The following PTK2 variants were observed in gnomAD, a reference collection of about 807,000 sequenced individuals.
The protein encoded by PTK2 is protein tyrosine kinase 2.
Under a neutral mutation model 150.1 loss-of-function variants are expected in PTK2, and 45 were observed. The observed-to-expected ratio is 0.30, with a 90% confidence interval of 0.24 to 0.38. PTK2 has a LOEUF of 0.38. Ranked by LOEUF, PTK2 falls within the 10% of genes least tolerant of loss-of-function variation. The pLI, the probability that PTK2 is intolerant of heterozygous loss-of-function variation, is 1.00. For missense variants in PTK2, 919 were observed against 1,307.3 expected (o/e 0.70, Z 4.58); for synonymous variants, 432 against 449.2 (o/e 0.96, Z 0.48).
chr8:140,833,288 T>A (rs577031178), intron 7 of PTK2, among the ~76,000 whole-genome samples: 252 of 152,316 alleles, frequency 1.7e-3, no homozygotes, highest in Non-Finnish European at 3.0e-3. Flanking sequence ...TTAGAACTTT[T>A]TTGATACCTG....
intron 16 of PTK2, among the ~76,000 whole-genome samples, chr8:140,759,546 A>AAG (rs1388780981): frequency 2.1e-5 from 3 of 144,342 alleles, no homozygotes; most frequent in East Asian, 3.9e-4. Context: ...AAAAAAAAAA[A>AAG]AAAAAAAAGA....
chr8:140,897,166 A>C (rs769130554), intron 2 of PTK2, among the ~76,000 whole-genome samples: 11 of 152,196 alleles, frequency 7.2e-5, no homozygotes, highest in Non-Finnish European at 1.6e-4. Flanking sequence ...AGCTAAACCA[A>C]AAATACCACA....
chr8:140,773,899 T>C (rs1455492926), intron 14 of PTK2, among the ~76,000 whole-genome samples: 1 of 152,072 alleles, frequency 6.6e-6, no homozygotes, highest in Non-Finnish European at 1.5e-5. Context: ...GGGTGCAGGA[T>C]AGGGGTGAGG....
At chr8:140,666,365 A>T (rs911727492) in intron 30 of PTK2, among the ~76,000 whole-genome samples, 8 of 152,120 alleles carry the variant, frequency 5.3e-5, no homozygotes, top group Middle Eastern at 3.4e-3. Flanking sequence ...AAAACAAAAA[A>T]CCCAACAACA....
At chr8:140,949,909 G>A (rs913447217) in intron 1 of PTK2, among the ~76,000 whole-genome samples, 1 of 152,100 alleles carries the variant, frequency 6.6e-6, no homozygotes, top group Non-Finnish European at 1.5e-5. Context: ...TGCTTTTTCC[G>A]GGCCTGCCCA....
At chr8:140,694,301 A>G (rs1221546471) in intron 26 of PTK2, among the ~76,000 whole-genome samples, 1 of 152,148 alleles carries the variant, frequency 6.6e-6, no homozygotes, top group Non-Finnish European at 1.5e-5. Flanking sequence ...TCGGCCTCCC[A>G]AAATGCTGGG....
At chr8:140,699,284 C>T (rs1398015178) in intron 26 of PTK2, among the ~76,000 whole-genome samples, 12 of 152,086 alleles carry the variant, frequency 7.9e-5, no homozygotes, top group Non-Finnish European at 1.8e-4. Flanking sequence ...AGCCATAATA[C>T]GATTGAGGCA....
intron 27 of PTK2, among the ~76,000 whole-genome samples, chr8:140,684,905 T>C (rs533074148): frequency 2.0e-5 from 3 of 152,158 alleles, no homozygotes; most frequent in South Asian, 4.1e-4. Flanking sequence ...CTAAAATTCA[T>C]ATGGAACCAA....
intron 1 of PTK2, among the ~76,000 whole-genome samples, chr8:140,991,838 G>A (rs926599395): frequency 3.3e-5 from 5 of 151,404 alleles, no homozygotes; most frequent in African/African-American, 1.2e-4. Context: ...GTAAATACCC[G>A]TCTCTACAAA....
chr8:140,732,428 G>T, intron 22 of PTK2: 1 of 421,008 alleles, frequency 2.4e-6, no homozygotes, highest in Non-Finnish European at 4.6e-6. Context: ...GATACTTTTT[G>T]GAGATAATTT....
chr8:140,941,264 C>G (rs1022240235), intron 1 of PTK2, among the ~76,000 whole-genome samples: 1 of 152,156 alleles, frequency 6.6e-6, no homozygotes, highest in African/African-American at 2.4e-5. Flanking sequence ...GCAGAACAAT[C>G]AGCAATCTCC....
chr8:140,694,048 T>C (rs1181300630), intron 26 of PTK2, among the ~76,000 whole-genome samples: 5 of 146,314 alleles, frequency 3.4e-5, no homozygotes, highest in Non-Finnish European at 7.4e-5. Context: ...TTTTCTTTTT[T>C]TTTTTTTTTT....
intron 14 of PTK2, among the ~76,000 whole-genome samples, chr8:140,776,099 G>GT (rs2100078263): frequency 6.6e-6 from 1 of 152,194 alleles, no homozygotes; most frequent in South Asian, 2.1e-4. Flanking sequence ...CGGCTCCCAG[G>GT]TTCAAGTGAT....
chr8:140,669,300 G>GGTATGT (rs1554641495), intron 29 of PTK2: 2 of 39,944 alleles, frequency 5.0e-5, no homozygotes, highest in Admixed American at 3.9e-4. Flanking sequence ...AGCATAAAAT[G>GGTATGT]GTATATATAT....
chr8:140,702,184 G>A (rs1591161970), intron 25 of PTK2, among the ~76,000 whole-genome samples: 1 of 127,152 alleles, frequency 7.9e-6, no homozygotes, highest in African/African-American at 2.9e-5. Context: ...TTAGGATTTA[G>A]AAATAAAAGG....
In PTK2 at chr8:140,690,246, C is replaced by T. The variant is rs148251045; in HGVS notation, c.2500-3552G>A. 2.2e-4 allele frequency among the ~76,000 whole-genome samples: 33 copies of T among 152,332 alleles called. No homozygotes were observed. In the East Asian group the frequency reaches 6.4e-3, roughly 29 times the overall value. On this transcript the variant is annotated intron_variant, in intron 26 of 31. Transcript: ENST00000522684. ...GGATTACAGGCGTGAGCCACCGCGC[C>T]AGGCCAACAGTTTCTATTTTTAAGA...
chr8:140,801,023 T>C (rs1216709271), intron 11 of PTK2, among the ~76,000 whole-genome samples: 3 of 152,238 alleles, frequency 2.0e-5, no homozygotes, highest in African/African-American at 7.2e-5. Context: ...TTAGCACATA[T>C]AGCATGTTCG....
chr8:140,689,039 T>C (rs1453554719), intron 26 of PTK2, among the ~76,000 whole-genome samples: 2 of 152,144 alleles, frequency 1.3e-5, no homozygotes, highest in African/African-American at 4.8e-5. Flanking sequence ...AGGTAGGTAG[T>C]TCCTGACTTC....
At chr8:140,669,301 G>GTATGTATGTATATATGTA (rs547959878) in intron 29 of PTK2, 1 of 97,984 alleles carries the variant, frequency 1.0e-5, no homozygotes. Context: ...GCATAAAATG[G>GTATGTATGTATATATGTA]TATATATATA....
Sources: allele counts gnomAD v4.1 joint callset (sites outside exome capture counted in the v4.1 genomes callset), GRCh38; gene constraint gnomAD v4.1.1; transcripts MANE v1.5; gene names NCBI Gene and HGNC (gene_info 2026-07-23, HGNC 2026-07-21).